Variants in PARD3 observed in about 807,000 individuals in gnomAD.
PARD3 encodes the protein par-3 family cell polarity regulator.
Under a neutral mutation model 155.4 loss-of-function variants are expected in PARD3, and 75 were observed. That is an observed-to-expected ratio of 0.48 (90% confidence interval 0.40 to 0.58). The LOEUF is 0.58. Ranked by LOEUF, PARD3 falls within the 20% of genes least tolerant of loss-of-function variation. The pLI is 0.00. For synonymous variants in PARD3, 576 were observed against 610.5 expected, an observed-to-expected ratio of 0.94 and a Z score of 0.83; for missense variants, 1,642 against 1,721.7, an observed-to-expected ratio of 0.95 and a Z score of 0.82.
At chr10:34,772,792 T>TTA (rs1491424530) in intron 1 of PARD3, among the ~76,000 whole-genome samples, 2 of 90,310 alleles carry the variant, frequency 2.2e-5, no homozygotes, top group African/African-American at 8.3e-5. Context: ...AGACTCCATC[T>TTA]AAAAAAAAAA....
Position 34,644,006 on chromosome 10 carries a change from CAT to C in PARD3, c.222+52310_222+52311del, listed in dbSNP as rs1457088048. On this transcript the variant is annotated intron_variant, in intron 2 of 24. Transcript: ENST00000374788. ...ATGTGTATGTGCCTTCGTGTGCACA[CAT>C]GTGTATGCGTGTGTTTTTCAGATTT... Among the ~76,000 whole-genome samples, 6 of 152,320 alleles carry C rather than the reference CAT, an allele frequency of 3.9e-5. No homozygotes were observed. The South Asian group carries it at 6.2e-4, about 16-fold the overall frequency.
At chr10:34,172,232 C>A (rs889144226) in intron 22 of PARD3, among the ~76,000 whole-genome samples, 5 of 151,994 alleles carry the variant, frequency 3.3e-5, no homozygotes, top group African/African-American at 9.7e-5. Flanking sequence ...ATAGTGTTTT[C>A]CAAAACATGA....
chr10:34,282,064 A>C (rs2133922640), intron 21 of PARD3, among the ~76,000 whole-genome samples: 1 of 147,008 alleles, frequency 6.8e-6, no homozygotes, highest in Middle Eastern at 3.4e-3. Flanking sequence ...CAGAACAGAA[A>C]GAACGACATA....
chr10:34,152,781 G>A (rs1948838388), intron 22 of PARD3, among the ~76,000 whole-genome samples: 1 of 152,162 alleles, frequency 6.6e-6, no homozygotes. Flanking sequence ...GCAGACAACT[G>A]GCCGTACATA....
At chr10:34,783,085 C>G (rs1383512605) in intron 1 of PARD3, among the ~76,000 whole-genome samples, 1 of 152,010 alleles carries the variant, frequency 6.6e-6, no homozygotes, top group African/African-American at 2.4e-5. Flanking sequence ...GGTGTCAAAC[C>G]TTAAGATTTA....
chr10:34,111,694 A>C, intron 24 of PARD3, 132 bp from the exon 25 acceptor site: 1 of 728,718 alleles, frequency 1.4e-6, no homozygotes, highest in Non-Finnish European at 2.2e-6. Context: ...CACATGCCAG[A>C]CACTGCGATA....
chr10:34,301,545 G>T (rs746157249), intron 20 of PARD3, among the ~76,000 whole-genome samples: 1 of 151,852 alleles, frequency 6.6e-6, no homozygotes, highest in East Asian at 1.9e-4. Context: ...CCCTCTATAC[G>T]CACTTCCCAG....
At chr10:34,143,162 A>C (rs750396734) in intron 22 of PARD3, among the ~76,000 whole-genome samples, 3 of 152,128 alleles carry the variant, frequency 2.0e-5, no homozygotes, top group Non-Finnish European at 4.4e-5. Context: ...TCTACTAAAA[A>C]TATACAAATT....
chr10:34,506,138 A>T (rs1465261209), intron 3 of PARD3, among the ~76,000 whole-genome samples: 2 of 152,198 alleles, frequency 1.3e-5, no homozygotes, highest in African/African-American at 4.8e-5. Context: ...AGGAAAAAAA[A>T]GAGAAAAGAA....
At position 34,704,568 on chromosome 10, in the gene PARD3, G is replaced by T. The variant is rs143291394; in HGVS notation, c.121-8149C>A. Among the ~76,000 whole-genome samples the T allele has an allele frequency of 1.4e-3, 218 of 152,070 alleles. 1 individual carries two copies. Among genetic ancestry groups the T allele is most frequent in the African/African-American group, 5.2e-3 (215 of 41,468 alleles). ...AACCTTCCATGTTAACTCAATAGATGACAAACAACAAGAAAAAACAAACGA... is the reference window on the plus strand; with the variant it reads ...AACCTTCCATGTTAACTCAATAGATTACAAACAACAAGAAAAAACAAACGA... On this transcript the variant is annotated intron_variant, in intron 1 of 24. Coordinates refer to ENST00000374788, the MANE Select transcript of PARD3 (RefSeq NM_001184785.2).
At chr10:34,173,805 A>G (rs1186241543) in intron 22 of PARD3, among the ~76,000 whole-genome samples, 2 of 152,100 alleles carry the variant, frequency 1.3e-5, no homozygotes, top group Non-Finnish European at 2.9e-5. Context: ...CACTGCCCTA[A>G]TTTTCCACAT....
chr10:34,630,252 C>T lies in PARD3; in HGVS notation c.222+66066G>A, dbSNP rs530743132. On this transcript the variant is annotated intron_variant, in intron 2 of 24. Transcript: ENST00000374788. ...AAAAACAGATTCCCTTCTGCATCCA[C>T]GACCAGGCCTTGCCTGATTTCAAGG... is the stretch of plus-strand genomic sequence containing the variant. Among the ~76,000 whole-genome samples the T allele has an allele frequency of 1.2e-4, 18 of 152,358 alleles. 1 individual carries two copies. The highest frequency in any genetic ancestry group is 3.4e-4 in the African/African-American group (14 of 41,580).
At chr10:34,714,086 T>C (rs1410541062) in intron 1 of PARD3, among the ~76,000 whole-genome samples, 1 of 152,138 alleles carries the variant, frequency 6.6e-6, no homozygotes, top group Non-Finnish European at 1.5e-5. Flanking sequence ...AAAGGAATTT[T>C]TCTGACCTGG....
chr10:34,516,114 G>GTA (rs1252741862), intron 3 of PARD3, among the ~76,000 whole-genome samples: 2 of 151,938 alleles, frequency 1.3e-5, no homozygotes, highest in Non-Finnish European at 2.9e-5. Context: ...ACAGGCAACC[G>GTA]CCACCACGCC....
At chr10:34,254,646 C>T (rs1156438159) in intron 22 of PARD3, among the ~76,000 whole-genome samples, 1 of 151,888 alleles carries the variant, frequency 6.6e-6, no homozygotes, top group Non-Finnish European at 1.5e-5. Flanking sequence ...CCCTTAGAAG[C>T]CCATCCTTCC....
chr10:34,426,155 G>C (rs1280180840), intron 5 of PARD3, among the ~76,000 whole-genome samples: 1 of 152,122 alleles, frequency 6.6e-6, no homozygotes, highest in Non-Finnish European at 1.5e-5. Flanking sequence ...TTTTTAAATT[G>C]TATCTCTATC....
At chr10:34,178,735 T>C (rs1174295827) in intron 22 of PARD3, among the ~76,000 whole-genome samples, 1 of 152,158 alleles carries the variant, frequency 6.6e-6, no homozygotes, top group African/African-American at 2.4e-5. Flanking sequence ...AGCTCTGTGG[T>C]AGAAAGAAAA....
chr10:34,663,225 G>A (rs1477571298), intron 2 of PARD3, among the ~76,000 whole-genome samples: 1 of 152,118 alleles, frequency 6.6e-6, no homozygotes, highest in African/African-American at 2.4e-5. Context: ...CACTTTGGGA[G>A]GGCCAGGGCG....
chr10:34,725,488 A>G (rs1004353365), intron 1 of PARD3, among the ~76,000 whole-genome samples: 6 of 152,152 alleles, frequency 3.9e-5, no homozygotes, highest in African/African-American at 9.7e-5. Flanking sequence ...CGAATAGCTC[A>G]AGGCATTCAG....
Sources: gnomAD v4.1 joint callset for allele counts (sites outside exome capture counted in the v4.1 genomes callset) on GRCh38, gnomAD v4.1.1 for gene constraint, MANE v1.5 for transcripts, NCBI Gene and HGNC (gene_info 2026-07-23, HGNC 2026-07-21) for gene names.